WIPF1: variants seen among roughly 807,000 people sequenced by gnomAD.
The protein encoded by WIPF1 is WAS/WASL interacting protein family member 1.
A neutral mutation model predicts 35.4 loss-of-function variants in WIPF1; 13 were observed. The observed-to-expected ratio is 0.37, with a 90% CI of 0.24 to 0.58. The LOEUF (loss-of-function observed/expected upper bound fraction) is 0.58. WIPF1 is among the 20% of genes least tolerant of loss of function. The probability of loss-of-function intolerance (pLI) is 0.74; values close to 1 mark genes in which losing one functional copy is unlikely to be tolerated. For synonymous variants in WIPF1, 267 were observed against 266.3 expected (o/e 1.00, Z -0.02); for missense variants, 591 against 667.0 (o/e 0.89, Z 1.25).
chr2:174,594,594 GGGTT>G (rs201980523), intron 1 of WIPF1, among the ~76,000 whole-genome samples: 2 of 135,154 alleles, frequency 1.5e-5, no homozygotes, highest in African/African-American at 2.6e-5. Flanking sequence ...TCTCTTTAAG[GGGTT>G]CAAATCTCCA....
intron 1 of WIPF1, among the ~76,000 whole-genome samples, chr2:174,663,484 G>A (rs1196717110): frequency 3.8e-5 from 3 of 78,426 alleles, no homozygotes; most frequent in South Asian, 4.6e-4. Flanking sequence ...CCACCCCGCC[G>A]CCCCCTGCAA....
chr2:174,572,159 C>T lies in WIPF1; in HGVS notation c.646G>A (p.Gly216Arg), dbSNP rs776307030. ...VPGGPRQPSP[G>R]PTPPPFPGNR... ...CCAGGGAAAGGGGGAGGAGTGGGCC[C>T]GGGGCTGGGCTGCCTGGGGCCTCCG... The change falls in exon 5 of 8, where the codon GGG (glycine) becomes AGG (arginine). Residue 216 changes from glycine (G) to arginine (R), a missense_variant. By Grantham distance (125) the Gly-to-Arg change is moderately radical. Around this residue, in one of 3 missense-constraint regions of WIPF1, gnomAD observed 471 missense variants for 501.1 expected, o/e 0.94. Transcript: ENST00000679041. The T allele has an allele frequency of 1.2e-6, 2 of 1,613,484 alleles. No homozygotes were observed. Among genetic ancestry groups the T allele is most frequent in the East Asian group, 2.2e-5 (1 of 44,878 alleles).
At chr2:174,598,973 A>T (rs1685908115), upstream of WIPF1, among the ~76,000 whole-genome samples, 1 of 152,250 alleles carries the variant, frequency 6.6e-6, no homozygotes, top group South Asian at 2.1e-4. Flanking sequence ...CATAGTATAT[A>T]ACTCTGAGAA....
chr2:174,678,682 C>G (rs1052299342), intron 1 of WIPF1, among the ~76,000 whole-genome samples: 22 of 152,258 alleles, frequency 1.4e-4, no homozygotes, highest in African/African-American at 5.3e-4. Context: ...ACACATTAAC[C>G]TGGTATTTCC....
In WIPF1 at chr2:174,567,840, G is replaced by T. The variant is rs1260928733; in HGVS notation, c.1342+21C>A. ...ATTTAGTTGCTGCCCTATAGCCCAGGGAGCTGGGACCACACCTCACCTTCA... is the reference window on the plus strand; with the variant it reads ...ATTTAGTTGCTGCCCTATAGCCCAGTGAGCTGGGACCACACCTCACCTTCA... On this transcript the variant is annotated intron_variant, in intron 6 of 7. Transcript: ENST00000679041. 9.1e-6 allele frequency: 14 copies of T among 1,539,068 alleles called. No individual in the cohort carries two copies. In the East Asian group the frequency reaches 3.2e-4, roughly 35 times the overall value.
intron 1 of WIPF1, among the ~76,000 whole-genome samples, chr2:174,651,133 G>T (rs1687525339): frequency 2.6e-5 from 4 of 152,198 alleles, no homozygotes; most frequent in African/African-American, 9.7e-5. Flanking sequence ...CCGCTCAACT[G>T]ATTCCAAGTG....
chr2:174,648,696 C>A (rs1027506578), intron 1 of WIPF1, among the ~76,000 whole-genome samples: 2 of 152,122 alleles, frequency 1.3e-5, no homozygotes, highest in Admixed American at 1.3e-4. Flanking sequence ...CCCAAAGCAA[C>A]AAAGAATATA....
At chr2:174,579,589 T>A (rs1685171589) in intron 3 of WIPF1, among the ~76,000 whole-genome samples, 1 of 152,202 alleles carries the variant, frequency 6.6e-6, no homozygotes, top group Non-Finnish European at 1.5e-5. Flanking sequence ...GTATCTTCCT[T>A]CCATCAAGGA....
chr2:174,638,639 G>A (rs1687235352), intron 1 of WIPF1, among the ~76,000 whole-genome samples: 1 of 151,888 alleles, frequency 6.6e-6, no homozygotes, highest in Non-Finnish European at 1.5e-5. Context: ...ATGGGTGAGA[G>A]CATGTGGTTA....
intron 1 of WIPF1, among the ~76,000 whole-genome samples, chr2:174,614,871 A>C (rs1324484208): frequency 6.6e-6 from 1 of 152,194 alleles, no homozygotes; most frequent in African/African-American, 2.4e-5. Flanking sequence ...TGTTGAGATT[A>C]AGTTTTCTCC....
At chr2:174,641,291 A>T (rs940087175) in intron 1 of WIPF1, among the ~76,000 whole-genome samples, 46 of 152,204 alleles carry the variant, frequency 3.0e-4, no homozygotes, top group African/African-American at 1.1e-3. Context: ...TGAGTCCATT[A>T]TCATGCCTGG....
In WIPF1 at chr2:174,585,542, G is replaced by A. The variant is rs148943760; in HGVS notation, c.32C>T (p.Pro11Leu). The change falls in exon 2 of 8, where the codon CCG (proline) becomes CTG (leucine). Residue 11 changes from proline (P) to leucine (L), a missense_variant. Coordinates refer to ENST00000679041, the MANE Select transcript of WIPF1 (RefSeq NM_001375834.1). MPVPPPPAPP[P>L]PPTFALANTE... ...ACTCACCAGTGCAAACGTCGGGGGCGGCGGGGGTGCTGGAGGGGGAGGGAC... is the reference window on the plus strand; with the variant it reads ...ACTCACCAGTGCAAACGTCGGGGGCAGCGGGGGTGCTGGAGGGGGAGGGAC... 1.8e-4 allele frequency: 288 copies of A among 1,612,468 alleles called. No homozygotes were observed. In the African/African-American group the frequency reaches 2.0e-3, roughly 11 times the overall value.
In WIPF1 at chr2:174,567,900, T is replaced by C. The variant is rs2105796927; in HGVS notation, c.1303A>G (p.Thr435Ala). The C allele has an allele frequency of 6.2e-7, 1 of 1,610,330 alleles. No homozygotes were observed. Among genetic ancestry groups the C allele is most frequent in the East Asian group, 2.2e-5 (1 of 44,830 alleles). The change falls in exon 6 of 8, where the codon ACA becomes GCA. Residue 435 changes from threonine to alanine, a missense_variant. Thr to Ala is a moderately conservative substitution (Grantham distance 58). Transcript: ENST00000679041. Reference protein sequence around the residue: ...AGAPPPPPPSTSIRNGFQDSP... With the variant: ...AGAPPPPPPSASIRNGFQDSP... ...TCTTGGAAGCCATTTCTAATAGATG[T>C]TGATGGTGGAGGTGGGGGAGGTGCC...
intron 7 of WIPF1, 101 bp from the exon 8 acceptor site, chr2:174,562,703 T>A: frequency 6.8e-7 from 1 of 1,466,608 alleles, no homozygotes; most frequent in Non-Finnish European, 9.4e-7. Context: ...ACCTCATCCC[T>A]ATGACCAGGG....
At position 174,679,745 on chromosome 2, in the gene WIPF1, G is replaced by A. The variant is rs77201986; in HGVS notation, c.-39+3029C>T. Reference sequence around the variant, plus strand: ...AACTGAAGATATTCTGGGGGCTTTGGTACACCTAGAGTTTTCATTACTCAA... The same window carrying A: ...AACTGAAGATATTCTGGGGGCTTTGATACACCTAGAGTTTTCATTACTCAA... On this transcript the variant is annotated intron_variant, in intron 1 of 8. Transcript: ENST00000272746. 1.3e-3 allele frequency among the ~76,000 whole-genome samples: 191 copies of A among 152,276 alleles called. 3 individuals carry two copies. The East Asian group carries it at 0.013, about 11-fold the overall frequency.
chr2:174,653,295 G>C (rs1687571272), intron 1 of WIPF1, among the ~76,000 whole-genome samples: 2 of 152,124 alleles, frequency 1.3e-5, no homozygotes, highest in Non-Finnish European at 1.5e-5. Flanking sequence ...ACAAGCAGGG[G>C]CCTATCTTTG....
chr2:174,574,929 A>G (rs1336518528), intron 4 of WIPF1: 3 of 711,856 alleles, frequency 4.2e-6, no homozygotes, highest in Non-Finnish European at 7.8e-6. Context: ...TTTTCTTCCC[A>G]CTCCAGCTAA....
intron 3 of WIPF1, among the ~76,000 whole-genome samples, chr2:174,578,481 C>A (rs1685135418): frequency 6.6e-6 from 1 of 152,172 alleles, no homozygotes; most frequent in South Asian, 2.1e-4. Context: ...AAGTTTTTAT[C>A]TTTTCCCTTG....
intron 1 of WIPF1, among the ~76,000 whole-genome samples, chr2:174,660,585 T>TTGGG (rs1286681149): frequency 1.3e-5 from 2 of 151,968 alleles, no homozygotes; most frequent in African/African-American, 4.8e-5. Context: ...GGAGAATGTG[T>TTGGG]TGGGTCTCGG....
Sources: allele counts gnomAD v4.1 joint callset (sites outside exome capture counted in the v4.1 genomes callset), GRCh38; gene constraint gnomAD v4.1.1; regional missense constraint gnomAD v4.1.1; transcripts MANE v1.5; gene names NCBI Gene and HGNC (gene_info 2026-07-23, HGNC 2026-07-21).